The following CHSY3 variants were observed in gnomAD, a reference collection of about 807,000 sequenced individuals.
The protein encoded by CHSY3 is chondroitin sulfate synthase 3, also known as N-acetylgalactosaminyl-proteoglycan 3-beta-glucuronosyltransferase 3.
Under a neutral mutation model 67.2 loss-of-function variants are expected in CHSY3, and 35 were observed. The ratio of observed to expected loss-of-function variants is 0.52; its 90% CI spans 0.40 to 0.69. The LOEUF is 0.69. Among genes scored for constraint, CHSY3 ranks in the 30% least tolerant of loss-of-function variants. The pLI is 0.00. For missense variants in CHSY3, 1,069 were observed against 1,138.5 expected (o/e 0.94, Z 0.88); for synonymous variants, 474 against 434.7 (o/e 1.09, Z -1.12).
At chr5:129,909,810 CT>C (rs1427299468) in intron 2 of CHSY3, among the ~76,000 whole-genome samples, 1 of 151,860 alleles carries the variant, frequency 6.6e-6, no homozygotes, top group East Asian at 1.9e-4. Flanking sequence ...CAGGTATTTA[CT>C]TTGCATGGAT....
chr5:129,930,353 A>G (rs1463536368), intron 2 of CHSY3, among the ~76,000 whole-genome samples: 2 of 151,440 alleles, frequency 1.3e-5, no homozygotes, highest in African/African-American at 2.4e-5. Flanking sequence ...AAAAAAAGCT[A>G]TCCCTTATTC....
intron 2 of CHSY3, among the ~76,000 whole-genome samples, chr5:130,147,925 G>T (rs1325115207): frequency 6.6e-6 from 1 of 151,964 alleles, no homozygotes; most frequent in Non-Finnish European, 1.5e-5. Flanking sequence ...TGTCATGGGG[G>T]GTTGTTGTAC....
intron 2 of CHSY3, among the ~76,000 whole-genome samples, chr5:129,917,591 C>T (rs1347346766): frequency 6.6e-6 from 1 of 152,232 alleles, no homozygotes; most frequent in Non-Finnish European, 1.5e-5. Context: ...ATGCTTGCCA[C>T]ACAATAAACT....
At chr5:129,975,512 TG>T (rs1762781337) in intron 2 of CHSY3, among the ~76,000 whole-genome samples, 1 of 152,152 alleles carries the variant, frequency 6.6e-6, no homozygotes, top group Non-Finnish European at 1.5e-5. Flanking sequence ...TTACTTCATA[TG>T]TAACAAAAGT....
At position 130,184,574 on chromosome 5, in the gene CHSY3, G is replaced by A. The variant is rs769816788; in HGVS notation, c.1432G>A (p.Ala478Thr). 7 of 1,612,292 alleles carry A rather than the reference G, an allele frequency of 4.3e-6. No homozygotes were observed. Among genetic ancestry groups the A allele is most frequent in the African/African-American group, 1.3e-5 (1 of 74,894 alleles). The change falls in exon 3 of 3, where the codon GCT becomes ACT. Residue 478 changes from alanine to threonine, a missense_variant. By Grantham distance (58) the Ala-to-Thr change is moderately conservative. Coordinates refer to ENST00000305031, the MANE Select transcript of CHSY3 (RefSeq NM_175856.5). ...FLTGKLLYSA[A>T]ENQPPRQSLS... The stretch of plus-strand genomic sequence containing the variant: ...GACAGGGAAGCTTCTATACTCAGCA[G>A]CTGAGAACCAGCCCCCTCGACAGAG...
At position 130,091,123 on chromosome 5, in the gene CHSY3, C is replaced by CACA. The variant is rs1179960627; in HGVS notation, c.1087-93105_1087-93103dup. Among the ~76,000 whole-genome samples, 6 of 117,154 alleles carry CACA rather than the reference C, an allele frequency of 5.1e-5. No homozygotes were observed. The Admixed American group carries it at 5.6e-4, about 11-fold the overall frequency. The allele number at this position is 117,154 out of a possible 152,430, so 76.9% of individuals were successfully genotyped here. On this transcript the variant is annotated intron_variant, in intron 2 of 2. Transcript: ENST00000305031. Reference sequence around the variant, plus strand: ...TGAACTTAAACGCAACACACACACACACACACACACACGCACACGCGCGCA... The same window carrying CACA: ...TGAACTTAAACGCAACACACACACACACAACACACACACACGCACACGCGCGCA...
At chr5:130,005,091 C>G (rs1763837807) in intron 2 of CHSY3, among the ~76,000 whole-genome samples, 2 of 151,872 alleles carry the variant, frequency 1.3e-5, no homozygotes, top group South Asian at 2.1e-4. Flanking sequence ...TTAGTTTGGC[C>G]AAAAAACCTA....
chr5:129,905,050 A>G lies in CHSY3; in HGVS notation c.221A>G (p.Gln74Arg). The G allele has an allele frequency of 6.5e-7, 1 of 1,549,622 alleles. No homozygotes were observed. The highest frequency in any genetic ancestry group is 8.7e-7 in the Non-Finnish European group (1 of 1,154,132). ...PQPQSRPRQE[Q>R]SPPPARQDLQ... is the part of the protein sequence containing the mutation. ...CCCCAGTCCCGACCACGGCAGGAGC[A>G]GTCGCCGCCCCCCGCGCGCCAGGAT... The change falls in exon 1 of 3, where the codon CAG becomes CGG. Residue 74 changes from glutamine to arginine, a missense_variant. Physicochemically the swap from Gln to Arg is conservative, Grantham distance 43. Around this residue, in one of 5 missense-constraint regions of CHSY3, gnomAD observed 309 missense variants for 262.5 expected, o/e 1.18. Coordinates refer to ENST00000305031, the MANE Select transcript of CHSY3 (RefSeq NM_175856.5).
At chr5:130,116,805 GT>G (rs1767820549) in intron 2 of CHSY3, among the ~76,000 whole-genome samples, 1 of 151,990 alleles carries the variant, frequency 6.6e-6, no homozygotes, top group Non-Finnish European at 1.5e-5. Flanking sequence ...CAGCAGTGTA[GT>G]AAGAGACTTG....
intron 2 of CHSY3, among the ~76,000 whole-genome samples, chr5:130,098,653 G>A (rs757057369): frequency 6.6e-6 from 1 of 152,168 alleles, no homozygotes; most frequent in Non-Finnish European, 1.5e-5. Flanking sequence ...GTAGGTTCTA[G>A]AAGAATTTAG....
chr5:130,140,372 A>G (rs1768823168), intron 2 of CHSY3: 1 of 627,738 alleles, frequency 1.6e-6, no homozygotes, highest in African/African-American at 1.9e-5. Context: ...TTCTATCCAG[A>G]GGAAGTGTTT....
At chr5:129,912,978 A>G (rs1760617789) in intron 2 of CHSY3, among the ~76,000 whole-genome samples, 2 of 152,198 alleles carry the variant, frequency 1.3e-5, no homozygotes, top group South Asian at 2.1e-4. Context: ...ATTCTATTCT[A>G]TTCACTCTGC....
chr5:129,910,689 G>A (rs1019298285), intron 2 of CHSY3, among the ~76,000 whole-genome samples: 9 of 151,904 alleles, frequency 5.9e-5, no homozygotes, highest in African/African-American at 9.7e-5. Context: ...TTGGGGCACA[G>A]CTAAACTGGT....
intron 2 of CHSY3, among the ~76,000 whole-genome samples, chr5:129,926,627 C>A (rs950826033): frequency 4.0e-5 from 6 of 151,460 alleles, no homozygotes; most frequent in Non-Finnish European, 5.9e-5. Flanking sequence ...TTTAAATAAT[C>A]TTAATGATTT....
At chr5:130,125,475 A>G (rs915781170) in intron 2 of CHSY3, among the ~76,000 whole-genome samples, 3 of 152,184 alleles carry the variant, frequency 2.0e-5, no homozygotes, top group Non-Finnish European at 2.9e-5. Flanking sequence ...AGACAGATGG[A>G]TTTAATATTA....
At chr5:130,147,419 T>A (rs913349789) in intron 2 of CHSY3, among the ~76,000 whole-genome samples, 1 of 152,154 alleles carries the variant, frequency 6.6e-6, no homozygotes, top group African/African-American at 2.4e-5. Context: ...TTGTAAAAAA[T>A]TAGAAATTGA....
At chr5:130,159,610 A>C (rs1225074831) in intron 2 of CHSY3, among the ~76,000 whole-genome samples, 1 of 152,134 alleles carries the variant, frequency 6.6e-6, no homozygotes, top group East Asian at 1.9e-4. Flanking sequence ...TGTATAAATA[A>C]GTGAAGTAAA....
chr5:130,075,828 A>G (rs1224600146), intron 2 of CHSY3, among the ~76,000 whole-genome samples: 2 of 152,108 alleles, frequency 1.3e-5, no homozygotes, highest in Non-Finnish European at 2.9e-5. Context: ...TTCTGGTGAT[A>G]ATTTCTGTTG....
chr5:129,931,163 G>A (rs768728362), intron 2 of CHSY3, among the ~76,000 whole-genome samples: 8 of 151,794 alleles, frequency 5.3e-5, no homozygotes, highest in South Asian at 2.1e-4. Context: ...AAATATATCC[G>A]GCCTACACAT....
Sources: allele counts gnomAD v4.1 joint callset (sites outside exome capture counted in the v4.1 genomes callset), GRCh38; gene constraint gnomAD v4.1.1; regional missense constraint gnomAD v4.1.1; transcripts MANE v1.5; gene names NCBI Gene and HGNC (gene_info 2026-07-23, HGNC 2026-07-21).